The following FOXP1 variants were observed in gnomAD, a reference collection of about 807,000 sequenced individuals.
FOXP1 encodes the protein forkhead box P1.
In FOXP1, 15 loss-of-function variants were observed where a neutral mutation model predicts 98.2. The observed-to-expected ratio is 0.15, with a 90% CI of 0.10 to 0.24. The LOEUF is 0.24. FOXP1 is among the 10% of genes least tolerant of loss of function. The pLI, the probability that FOXP1 is intolerant of heterozygous loss-of-function variation, is 1.00. For synonymous variants in FOXP1, 371 were observed against 314.5 expected, an observed-to-expected ratio of 1.18 and a Z score of -1.90; for missense variants, 633 against 848.5, an observed-to-expected ratio of 0.75 and a Z score of 3.15.
At chr3:71,463,806 G>T (rs1275618231) in intron 3 of FOXP1, among the ~76,000 whole-genome samples, 1 of 152,064 alleles carries the variant, frequency 6.6e-6, no homozygotes, top group Admixed American at 6.5e-5. Flanking sequence ...TCTTGGCTAG[G>T]ACCAAGAACA....
intron 6 of FOXP1, among the ~76,000 whole-genome samples, chr3:71,162,026 T>A (rs901679408): frequency 2.0e-5 from 3 of 152,132 alleles, no homozygotes; most frequent in African/African-American, 7.2e-5. Flanking sequence ...TCTGGACCAA[T>A]TGAGGAAAAA....
chr3:71,271,135 C>T (rs1189148063), intron 5 of FOXP1, among the ~76,000 whole-genome samples: 1 of 152,176 alleles, frequency 6.6e-6, no homozygotes, highest in African/African-American at 2.4e-5. Flanking sequence ...CAGGCTGAGG[C>T]AGGAGAACTG....
intron 3 of FOXP1, among the ~76,000 whole-genome samples, chr3:71,398,878 T>C (rs935781535): frequency 2.6e-5 from 4 of 152,176 alleles, no homozygotes; most frequent in African/African-American, 9.7e-5. Flanking sequence ...GGATAATACA[T>C]TGATCACAGT....
chr3:71,397,088 A>ATATACATATACATATATATATGTGTG (rs1553871660), intron 3 of FOXP1, among the ~76,000 whole-genome samples: 1 of 6,498 alleles, frequency 1.5e-4, no homozygotes, highest in Non-Finnish European at 2.7e-4. Flanking sequence ...ATATATGTGT[A>ATATACATATACATATATATATGTGTG]TATATATATA....
chr3:71,530,605 G>C (rs1316152232), intron 2 of FOXP1, among the ~76,000 whole-genome samples: 2 of 152,176 alleles, frequency 1.3e-5, no homozygotes, highest in African/African-American at 2.4e-5. Flanking sequence ...ATCTGAAGGG[G>C]AACTGACATA....
At chr3:71,288,870 C>T (rs956032378) in intron 5 of FOXP1, among the ~76,000 whole-genome samples, 7 of 152,084 alleles carry the variant, frequency 4.6e-5, no homozygotes, top group Admixed American at 2.0e-4. Context: ...TTATATAAAG[C>T]CAGTAAATAT....
At chr3:71,533,843 T>G (rs1168578859) in intron 2 of FOXP1, among the ~76,000 whole-genome samples, 3 of 152,114 alleles carry the variant, frequency 2.0e-5, no homozygotes, top group African/African-American at 7.2e-5. Flanking sequence ...ATAACAGAAC[T>G]CAACATTTCT....
At chr3:70,961,148 C>A (rs79851729) in intron 20 of FOXP1, among the ~76,000 whole-genome samples, 4,045 of 150,186 alleles carry the variant, frequency 0.027, 106 homozygotes, top group Non-Finnish European at 0.045. Flanking sequence ...AAAATAATTT[C>A]TTTATTCTTA....
At chr3:71,568,961 T>C (rs1014687273) in intron 2 of FOXP1, among the ~76,000 whole-genome samples, 1 of 152,220 alleles carries the variant, frequency 6.6e-6, no homozygotes, top group Non-Finnish European at 1.5e-5. Flanking sequence ...CTCTGAATTT[T>C]CAAATGCCTC....
In FOXP1 at chr3:70,977,630, G is replaced by C; in HGVS notation, c.1428+13C>G. ...CTTCTGACAGAATTTCATATACTGT[G>C]TTATTTACTTACCTGCCTAATTAAA... On this transcript the variant is annotated intron_variant, in intron 16 of 20. Coordinates refer to ENST00000649528, the MANE Select transcript of FOXP1 (RefSeq NM_001349338.3). The C allele has an allele frequency of 6.3e-7, 1 of 1,589,416 alleles. No individual in the cohort carries two copies. The highest frequency in any genetic ancestry group is 8.6e-7 in the Non-Finnish European group (1 of 1,158,150).
intron 11 of FOXP1, among the ~76,000 whole-genome samples, chr3:71,031,593 C>T (rs776032795): frequency 4.6e-5 from 7 of 152,198 alleles, no homozygotes; most frequent in Non-Finnish European, 1.0e-4. Context: ...CAATGTTTTA[C>T]TCTCAGATTT....
In FOXP1 at chr3:71,581,236, T is replaced by C. The variant is rs149009114; in HGVS notation, c.-298+313A>G. ...ACAATGACTTGGAAATAATTAATAG[T>C]TATAAGAGGGGAGTGGGGTGAGAAG... On this transcript the variant is annotated intron_variant, in intron 2 of 20. Transcript: ENST00000649528. 19 of 985,200 alleles carry C rather than the reference T, an allele frequency of 1.9e-5. No individual in the cohort carries two copies. The East Asian group carries it at 2.0e-3, about 106-fold the overall frequency. The allele number at this position is 985,200 out of a possible 1,614,324, so 61.0% of individuals were successfully genotyped here.
Position 70,976,923 on chromosome 3 carries a change from A to C in FOXP1, c.1530+18T>G, listed in dbSNP as rs749323588. 1.9e-6 allele frequency: 3 copies of C among 1,573,692 alleles called. No individual in the cohort carries two copies. Among genetic ancestry groups the C allele is most frequent in the Non-Finnish European group, 2.6e-6 (3 of 1,143,212 alleles). On this transcript the variant is annotated intron_variant, in intron 17 of 20. Transcript: ENST00000649528. ...TGAACGTCAAGATCCAAGAATAAAC[A>C]GGCCTGAGAAAGCTTACCTTCCACG...
At chr3:71,007,994 G>A (rs2043018888) in intron 12 of FOXP1, among the ~76,000 whole-genome samples, 2 of 152,042 alleles carry the variant, frequency 1.3e-5, no homozygotes, top group South Asian at 4.1e-4. Flanking sequence ...TGTTCTGCAT[G>A]AAGTTTTTCT....
At chr3:71,391,496 C>T (rs190729181) in intron 3 of FOXP1, among the ~76,000 whole-genome samples, 133 of 152,316 alleles carry the variant, frequency 8.7e-4, no homozygotes, top group Admixed American at 3.1e-3. Flanking sequence ...CTTGTCTGGT[C>T]GCTGGTGAAA....
intron 13 of FOXP1, among the ~76,000 whole-genome samples, chr3:70,989,249 G>C (rs2040233617): frequency 6.6e-6 from 1 of 152,196 alleles, no homozygotes; most frequent in South Asian, 2.1e-4. Context: ...AAGGGAAAAA[G>C]CTTTCAGCTT....
At chr3:71,046,276 T>C (rs1324141073) in intron 10 of FOXP1, among the ~76,000 whole-genome samples, 6 of 152,232 alleles carry the variant, frequency 3.9e-5, no homozygotes, top group Admixed American at 3.9e-4. Flanking sequence ...CAGTGGGCTT[T>C]GTAAAAGAAA....
intron 4 of FOXP1, among the ~76,000 whole-genome samples, chr3:71,357,381 A>G (rs1300977442): frequency 6.6e-6 from 1 of 152,244 alleles, no homozygotes. Flanking sequence ...TGAGAATTAA[A>G]CAGGCTAAAA....
chr3:71,583,721 G>A lies in FOXP1; in HGVS notation c.-597C>T. 3 of 985,132 alleles carry A rather than the reference G, an allele frequency of 3.0e-6. No individual in the cohort carries two copies. The highest frequency in any genetic ancestry group is 4.7e-5 in the South Asian group (1 of 21,430). The allele number at this position is 985,132 out of a possible 1,614,324, so 61.0% of individuals were successfully genotyped here. On this transcript the variant is annotated 5_prime_UTR_variant, in exon 1 of 21. Transcript: ENST00000649528. ...ACTCCCGGGCGAGGGCCGGGCCGCC[G>A]CGAGTACAGCGTGCAACCGCCACAC...
Sources: allele counts gnomAD v4.1 joint callset (sites outside exome capture counted in the v4.1 genomes callset), GRCh38; gene constraint gnomAD v4.1.1; transcripts MANE v1.5; gene names NCBI Gene and HGNC (gene_info 2026-07-23, HGNC 2026-07-21).